CNIH3: variants seen among roughly 807,000 people sequenced by gnomAD.
CNIH3 encodes the protein protein cornichon homolog 3.
A neutral mutation model predicts 24.1 loss-of-function variants in CNIH3; 14 were observed. That is an observed-to-expected ratio of 0.58 (90% CI 0.38 to 0.91). The LOEUF is 0.91. CNIH3 is among the 40% of genes least tolerant of loss of function. CNIH3 has a pLI of 0.00. For synonymous variants in CNIH3, 68 were observed against 73.8 expected, an observed-to-expected ratio of 0.92 and a Z score of 0.40; for missense variants, 178 against 196.8, an observed-to-expected ratio of 0.90 and a Z score of 0.57.
chr1:224,703,104 C>G lies in CNIH3; in HGVS notation c.198+18261C>G, dbSNP rs148361109. 3.0e-4 allele frequency among the ~76,000 whole-genome samples: 46 copies of G among 152,234 alleles called. No individual in the cohort carries two copies. Among genetic ancestry groups the G allele is most frequent in the Admixed American group, 9.8e-4 (15 of 15,304 alleles). Reference sequence around the variant, plus strand: ...AGGCAAACCATTGCCCTGTTTTTTTCCAGAGCAGGAAACACTTCTGACCTC... The same window carrying G: ...AGGCAAACCATTGCCCTGTTTTTTTGCAGAGCAGGAAACACTTCTGACCTC... On this transcript the variant is annotated intron_variant, in intron 3 of 5. Transcript: ENST00000272133. This position sits in a 1 kb window ranked among gnomAD's most constrained non-coding sequence, Gnocchi z 4.2.
At chr1:224,440,154 C>G (rs1433871618) in intron 1 of CNIH3, among the ~76,000 whole-genome samples, 1 of 152,204 alleles carries the variant, frequency 6.6e-6, no homozygotes, top group African/African-American at 2.4e-5. Flanking sequence ...ATCTCTTGAC[C>G]TCATGGTCCG....
In CNIH3 at chr1:224,674,866, C is replaced by T. The variant is rs375736599; in HGVS notation, c.82-6092C>T. On this transcript the variant is annotated intron_variant, in intron 1 of 5. Transcript: ENST00000272133. ...TGTTTGACCATGTATATTGCATTAT[C>T]TTACTGATATAACTTGATCCTTCTC... Among the ~76,000 whole-genome samples, 5 of 152,160 alleles carry T rather than the reference C, an allele frequency of 3.3e-5. No homozygotes were observed. In the East Asian group the frequency reaches 9.7e-4, roughly 30 times the overall value.
At chr1:224,532,435 G>A (rs1054452464) in intron 2 of CNIH3, among the ~76,000 whole-genome samples, 25 of 152,162 alleles carry the variant, frequency 1.6e-4, no homozygotes, top group Non-Finnish European at 8.8e-5. Flanking sequence ...ACTGCGTTAG[G>A]AACAGACCTT....
Position 224,690,143 on chromosome 1 carries a change from A to G in CNIH3, c.198+5300A>G, listed in dbSNP as rs184965534. Among the ~76,000 whole-genome samples, 495 of 152,340 alleles carry G rather than the reference A, an allele frequency of 3.2e-3. 2 individuals carry two copies. Among genetic ancestry groups the G allele is most frequent in the Middle Eastern group, 0.017 (5 of 294 alleles). Reference sequence around the variant, plus strand: ...TGTGCTTCATCAGTGGTAGTCATCAAACTTTGGGACTGGTTGTGAAATGTT... The same window carrying G: ...TGTGCTTCATCAGTGGTAGTCATCAGACTTTGGGACTGGTTGTGAAATGTT... On this transcript the variant is annotated intron_variant, in intron 3 of 5. Transcript: ENST00000272133.
chr1:224,560,906 C>T (rs551906507), intron 3 of CNIH3, among the ~76,000 whole-genome samples: 2 of 152,210 alleles, frequency 1.3e-5, no homozygotes, highest in South Asian at 4.2e-4. Flanking sequence ...TTGGAGACCA[C>T]TGTTTTAGAT....
intron 1 of CNIH3, among the ~76,000 whole-genome samples, chr1:224,518,875 G>T (rs1430327054): frequency 2.6e-5 from 4 of 152,158 alleles, no homozygotes; most frequent in African/African-American, 4.8e-5. Context: ...GAGGAATAGT[G>T]GTTACAAACA....
chr1:224,645,184 C>G (rs1240195502), intron 1 of CNIH3, among the ~76,000 whole-genome samples: 3 of 152,212 alleles, frequency 2.0e-5, no homozygotes, highest in Non-Finnish European at 4.4e-5. Flanking sequence ...TTATGCCTCT[C>G]CCTACCGTGT....
At chr1:224,475,599 C>T (rs923478351) in intron 1 of CNIH3, among the ~76,000 whole-genome samples, 2 of 152,128 alleles carry the variant, frequency 1.3e-5, no homozygotes, top group Admixed American at 6.5e-5. Context: ...ATAAAAATTT[C>T]GTCAGCAAAG....
rs1237674237 is a variant in CNIH3, at chr1:224,730,548, C to T, written c.285C>T (p.Val95=). 2 of 1,556,340 alleles carry T rather than the reference C, an allele frequency of 1.3e-6. No individual in the cohort carries two copies. The highest frequency in any genetic ancestry group is 1.7e-6 in the Non-Finnish European group (2 of 1,148,620). ...AQEWLTLGLN[V]PLLFYHFWRY... ...AGTGGCTCACGCTGGGGCTGAATGT[C>T]CCTCTACTTTTCTATCACTTCTGGA... Residue 95 remains valine, a synonymous_variant, in exon 4 of 6, where the codon GTC becomes GTT. Coordinates refer to ENST00000272133, the MANE Select transcript of CNIH3 (RefSeq NM_152495.2).
intron 1 of CNIH3, among the ~76,000 whole-genome samples, chr1:224,653,451 T>C (rs1255632284): frequency 3.3e-5 from 5 of 152,074 alleles, no homozygotes; most frequent in African/African-American, 1.2e-4. Context: ...GACTGTAGTT[T>C]ATTAGACATT....
At chr1:224,634,569 T>C (rs1204766894) in intron 1 of CNIH3, among the ~76,000 whole-genome samples, 1 of 138,040 alleles carries the variant, frequency 7.2e-6, no homozygotes, top group African/African-American at 2.9e-5. Flanking sequence ...TGAGACTCTG[T>C]CTCCAAAAAA....
rs866874973 is a variant in CNIH3, at chr1:224,588,080, C to G, written n.621-281C>G. ...ATGTCAACTCCCATCTCACCCCATT[C>G]CTAGATATTTGCTGTATTCTATTGT... On this transcript the variant is annotated intron_variant and non_coding_transcript_variant, in intron 5 of 5. Coordinates refer to the CNIH3 transcript ENST00000471578. 3.3e-5 allele frequency among the ~76,000 whole-genome samples: 5 copies of G among 152,294 alleles called. No individual in the cohort carries two copies. The Middle Eastern group carries it at 0.014, about 414-fold the overall frequency.
At chr1:224,490,109 G>A (rs1677186875) in intron 1 of CNIH3, among the ~76,000 whole-genome samples, 1 of 152,208 alleles carries the variant, frequency 6.6e-6, no homozygotes, top group African/African-American at 2.4e-5. Context: ...TTTGTAGTGA[G>A]TGTTGCAAGG....
chr1:224,671,335 G>A (rs1286456076), intron 1 of CNIH3, among the ~76,000 whole-genome samples: 7 of 152,194 alleles, frequency 4.6e-5, no homozygotes, highest in African/African-American at 1.7e-4. Flanking sequence ...TAGACTCTTG[G>A]TCATACGGGC....
chr1:224,652,206 T>C (rs1291395718), intron 1 of CNIH3, among the ~76,000 whole-genome samples: 3 of 152,096 alleles, frequency 2.0e-5, no homozygotes, highest in Non-Finnish European at 4.4e-5. Flanking sequence ...CCTTCTTTCC[T>C]GTGTGCTGCC....
At chr1:224,480,651 G>A (rs1676770114) in intron 1 of CNIH3, among the ~76,000 whole-genome samples, 1 of 152,062 alleles carries the variant, frequency 6.6e-6, no homozygotes, top group South Asian at 2.1e-4. Flanking sequence ...AAATCTCTAG[G>A]GCAGGGGCGA....
chr1:224,621,109 C>G (rs1683257294), intron 1 of CNIH3, among the ~76,000 whole-genome samples: 1 of 152,188 alleles, frequency 6.6e-6, no homozygotes, highest in Non-Finnish European at 1.5e-5. Context: ...TGAGTTTTGA[C>G]AATTTACAAA....
At chr1:224,499,843 C>G (rs528083022) in intron 1 of CNIH3, among the ~76,000 whole-genome samples, 70 of 149,778 alleles carry the variant, frequency 4.7e-4, no homozygotes, top group Non-Finnish European at 8.9e-4. Context: ...GCAGGAGGAT[C>G]GCTTGAGGCC....
chr1:224,497,921 T>G (rs1166585405), intron 1 of CNIH3, among the ~76,000 whole-genome samples: 1 of 152,232 alleles, frequency 6.6e-6, no homozygotes, highest in Non-Finnish European at 1.5e-5. Flanking sequence ...CTCAAGTGAT[T>G]AGTATTTTCC....
Sources: allele counts gnomAD v4.1 joint callset (sites outside exome capture counted in the v4.1 genomes callset), GRCh38; gene constraint gnomAD v4.1.1; non-coding constraint Gnocchi (gnomAD v3.1); transcripts MANE v1.5; gene names NCBI Gene and HGNC (gene_info 2026-07-23, HGNC 2026-07-21).